ZYG11B: variants seen among roughly 807,000 people sequenced by gnomAD.
ZYG11B encodes the protein protein zyg-11 homolog B.
In ZYG11B, 36 loss-of-function variants were observed where a neutral mutation model predicts 82.4. That is an observed-to-expected ratio of 0.44 (90% CI 0.33 to 0.58). The LOEUF (loss-of-function observed/expected upper bound fraction) is 0.58. Ranked by LOEUF, ZYG11B falls within the 20% of genes least tolerant of loss-of-function variation. ZYG11B has a pLI of 0.02. For missense variants in ZYG11B, 552 were observed against 895.6 expected, an observed-to-expected ratio of 0.62 and a Z score of 4.90; for synonymous variants, 303 against 312.8, an observed-to-expected ratio of 0.97 and a Z score of 0.33.
intron 2 of ZYG11B, among the ~76,000 whole-genome samples, chr1:52,761,222 A>G (rs1197552673): frequency 6.6e-6 from 1 of 152,158 alleles, no homozygotes; most frequent in African/African-American, 2.4e-5. Context: ...CCTTGTAGCT[A>G]TTTGAAACTA....
intron 1 of ZYG11B, among the ~76,000 whole-genome samples, chr1:52,733,408 C>T (rs529540393): frequency 6.6e-6 from 1 of 152,102 alleles, no homozygotes; most frequent in South Asian, 2.1e-4. Flanking sequence ...CGCCTGTAAT[C>T]CACATCTATA....
intron 10 of ZYG11B, among the ~76,000 whole-genome samples, chr1:52,806,994 C>A (rs1336117889): frequency 6.6e-6 from 1 of 151,866 alleles, no homozygotes; most frequent in East Asian, 1.9e-4. Context: ...TCAGCCTCCC[C>A]AGTAGCTGGG....
In ZYG11B at chr1:52,783,534, C is replaced by T. The variant is rs541933779; in HGVS notation, c.1093-1343C>T. Among the ~76,000 whole-genome samples, 63 of 150,894 alleles carry T rather than the reference C, an allele frequency of 4.2e-4. 1 individual carries two copies. The South Asian group carries it at 8.8e-3, about 21-fold the overall frequency. ...GGCAGGAAGGTGACATGTATATGTA[C>T]GTATGCTGGTAAGTAGGATACATGT... On this transcript the variant is annotated intron_variant, in intron 4 of 13. Coordinates refer to ENST00000294353, the MANE Select transcript of ZYG11B (RefSeq NM_024646.3).
At chr1:52,803,307 T>TATACATATAA (rs1645113683) in intron 10 of ZYG11B, among the ~76,000 whole-genome samples, 1 of 138,284 alleles carries the variant, frequency 7.2e-6, no homozygotes, top group South Asian at 2.2e-4. Context: ...TACACATATA[T>TATACATATAA]ATACATATAA....
chr1:52,730,636 A>G (rs77794864), intron 1 of ZYG11B, among the ~76,000 whole-genome samples: 5,395 of 152,216 alleles, frequency 0.035, 295 homozygotes, highest in African/African-American at 0.12. Context: ...GCCTTCATAC[A>G]GTAATTTTAA....
In ZYG11B at chr1:52,771,800, T is replaced by C. The variant is rs761703387; in HGVS notation, c.951+26T>C. ...GTTAGACTTTAAAAATGTATTATTT[T>C]GTCAGGCTGACCAATATCTTAGTTG... On this transcript the variant is annotated intron_variant, in intron 3 of 13. Coordinates refer to ENST00000294353, the MANE Select transcript of ZYG11B (RefSeq NM_024646.3). This position sits in a 1 kb window ranked among gnomAD's most constrained non-coding sequence, Gnocchi z 5.4. 6.3e-7 allele frequency: 1 copy of C among 1,582,226 alleles called. No individual in the cohort carries two copies. Among genetic ancestry groups the C allele is most frequent in the South Asian group, 1.2e-5 (1 of 85,846 alleles).
intron 12 of ZYG11B, among the ~76,000 whole-genome samples, chr1:52,815,808 G>A (rs1042947892): frequency 5.4e-5 from 8 of 147,812 alleles, no homozygotes; most frequent in Admixed American, 4.7e-4. Flanking sequence ...GGTGGCAGGC[G>A]CCTGTAGTCC....
intron 10 of ZYG11B, among the ~76,000 whole-genome samples, chr1:52,803,954 A>G (rs1004784235): frequency 2.0e-5 from 3 of 152,090 alleles, no homozygotes; most frequent in Admixed American, 1.3e-4. Context: ...AAAAAATGTT[A>G]TCAGACTGGA....
chr1:52,729,546 G>T lies in ZYG11B; in HGVS notation c.30+2863G>T, dbSNP rs879423783. Among the ~76,000 whole-genome samples, 3 of 152,196 alleles carry T rather than the reference G, an allele frequency of 2.0e-5. No homozygotes were observed. The East Asian group carries it at 5.8e-4, about 29-fold the overall frequency. ...TTGTAGATAATAAATACAGTTGAAT[G>T]AATGATTATTATAAAGCTTTGTATT... On this transcript the variant is annotated intron_variant, in intron 1 of 13. Transcript: ENST00000294353.
chr1:52,739,757 C>T (rs1319433817), intron 1 of ZYG11B, among the ~76,000 whole-genome samples: 1 of 151,850 alleles, frequency 6.6e-6, no homozygotes, highest in Admixed American at 6.6e-5. Context: ...AGGCGCCCAC[C>T]CCCATGCCTG....
In ZYG11B at chr1:52,748,937, A is replaced by C. The variant is rs568204573; in HGVS notation, c.31-7521A>C. On this transcript the variant is annotated intron_variant, in intron 1 of 13. Transcript: ENST00000294353. ...AAAAAATGGCCGGGCGTGGTTGCTC[A>C]CGCCTGTAATCCCAGCACTTTGGGA... 2.0e-5 allele frequency among the ~76,000 whole-genome samples: 3 copies of C among 151,066 alleles called. No homozygotes were observed. In the East Asian group the frequency reaches 5.8e-4, roughly 29 times the overall value.
intron 1 of ZYG11B, among the ~76,000 whole-genome samples, chr1:52,745,451 G>A (rs771366805): frequency 1.8e-4 from 27 of 152,156 alleles, no homozygotes; most frequent in Admixed American, 5.2e-4. Context: ...CAGAGGATCT[G>A]CTTATAGGTA....
At position 52,803,143 on chromosome 1, in the gene ZYG11B, TATATATATATACAC is replaced by T. The variant is rs1558140218; in HGVS notation, c.1695+1020_1695+1033del. On this transcript the variant is annotated intron_variant, in intron 10 of 13. Coordinates refer to ENST00000294353, the MANE Select transcript of ZYG11B (RefSeq NM_024646.3). ...ACACACATATATATATACACACATA[TATATATATATACAC>T]ATATATATATACACACATATATATA... Among the ~76,000 whole-genome samples, 380 of 72,682 alleles carry T rather than the reference TATATATATATACAC, an allele frequency of 5.2e-3. 18 individuals carry two copies. Among genetic ancestry groups the T allele is most frequent in the Non-Finnish European group, 6.2e-3 (262 of 42,484 alleles). The allele number at this position is 72,682 out of a possible 152,430, so 47.7% of individuals were successfully genotyped here. A position where few individuals can be genotyped will look rare whatever the true frequency, so the allele number is the denominator to read the frequency against.
chr1:52,797,510 T>C (rs1386014383), intron 8 of ZYG11B, among the ~76,000 whole-genome samples: 1 of 108,016 alleles, frequency 9.3e-6, no homozygotes, highest in Admixed American at 1.3e-4. Flanking sequence ...TAAAAATATA[T>C]ATATATATTT....
intron 10 of ZYG11B, among the ~76,000 whole-genome samples, chr1:52,804,612 G>GA (rs58226724): frequency 0.038 from 5,603 of 146,056 alleles, 318 homozygotes; most frequent in African/African-American, 0.13. Context: ...GACGGTCTCA[G>GA]AAAAAAAAAC....
intron 4 of ZYG11B, among the ~76,000 whole-genome samples, chr1:52,782,171 A>G (rs1644862543): frequency 6.6e-6 from 1 of 150,568 alleles, no homozygotes; most frequent in Non-Finnish European, 1.5e-5. Context: ...CTGGGCTCAA[A>G]TGATCCCCCT....
chr1:52,726,609 G>A lies in ZYG11B; in HGVS notation c.-45G>A, dbSNP rs1160581214. Reference sequence around the variant, plus strand: ...GCCTCCGCGCCGGCTCAGCCTGGGGGCGGGCTCCGGTCCGGCCCGCCGCCG... The same window carrying A: ...GCCTCCGCGCCGGCTCAGCCTGGGGACGGGCTCCGGTCCGGCCCGCCGCCG... On this transcript the variant is annotated 5_prime_UTR_variant, in exon 1 of 14. Transcript: ENST00000294353. 18 of 1,402,798 alleles carry A rather than the reference G, an allele frequency of 1.3e-5. No individual in the cohort carries two copies. The highest frequency in any genetic ancestry group is 1.7e-5 in the Non-Finnish European group (18 of 1,085,360). 86.9% of individuals were successfully genotyped at this position (1,402,798 alleles called of 1,614,324 possible).
chr1:52,738,455 A>G (rs1644396355), intron 1 of ZYG11B, among the ~76,000 whole-genome samples: 1 of 152,144 alleles, frequency 6.6e-6, no homozygotes, highest in African/African-American at 2.4e-5. Flanking sequence ...TGCTGAGATT[A>G]CAGGCATGAG....
chr1:52,752,140 G>A (rs1644531593), intron 1 of ZYG11B, among the ~76,000 whole-genome samples: 1 of 152,010 alleles, frequency 6.6e-6, no homozygotes, highest in African/African-American at 2.4e-5. Flanking sequence ...TAGGTCTCTG[G>A]ATTAACCACA....
Sources: gnomAD v4.1 joint callset for allele counts (sites outside exome capture counted in the v4.1 genomes callset) on GRCh38, gnomAD v4.1.1 for gene constraint, Gnocchi (gnomAD v3.1) non-coding constraint, MANE v1.5 for transcripts, NCBI Gene and HGNC (gene_info 2026-07-23, HGNC 2026-07-21) for gene names.